Variants in VWA2 observed in about 807,000 individuals in gnomAD.
VWA2 encodes the protein von Willebrand factor A domain containing 2.
A neutral mutation model predicts 70.4 loss-of-function variants in VWA2; 73 were observed. The observed-to-expected ratio is 1.04, with a 90% CI of 0.86 to 1.26. The LOEUF is 1.26. Among genes scored for constraint, VWA2 ranks in the 50% most tolerant of loss-of-function variants. The pLI is 0.00. For synonymous variants in VWA2, 407 were observed against 423.3 expected (o/e 0.96, Z 0.47); for missense variants, 1,011 against 998.5 (o/e 1.01, Z -0.17).
chr10:114,246,445 G>A (rs1347220774), intron 1 of VWA2: 1 of 614,892 alleles, frequency 1.6e-6, no homozygotes, highest in Non-Finnish European at 2.8e-6. Context: ...AGGTAGCAGT[G>A]AGCCAAGACC....
In VWA2 at chr10:114,286,201, C is replaced by T. The variant is rs772969188; in HGVS notation, c.1260C>T (p.Thr420=). 3 of 1,613,846 alleles carry T rather than the reference C, an allele frequency of 1.9e-6. No individual in the cohort carries two copies. The highest frequency in any genetic ancestry group is 2.2e-5 in the East Asian group (1 of 44,880). Residue 420 remains threonine (T), a synonymous_variant, in exon 11 of 14, where the codon ACC becomes ACT. Coordinates refer to ENST00000392982, the MANE Select transcript of VWA2 (RefSeq NM_001272046.2). ...GCATTCCCTTCCGTGGTGGCCCCAC[C>T]CTGACGGGCAGTGCCTTGCGGCAGG... ...LDGIPFRGGP[T]LTGSALRQAA...
chr10:114,280,494 C>A (rs2038025122), intron 8 of VWA2, among the ~76,000 whole-genome samples: 1 of 152,086 alleles, frequency 6.6e-6, no homozygotes, highest in Non-Finnish European at 1.5e-5. Flanking sequence ...GAGGGCCTTG[C>A]AGAGCATGTG....
chr10:114,278,129 G>A, intron 7 of VWA2, 82 bp downstream of exon 7: 1 of 1,532,662 alleles, frequency 6.5e-7, no homozygotes, highest in Non-Finnish European at 8.8e-7. Context: ...CAGGACCCAG[G>A]AGCCTCCCAA....
intron 2 of VWA2, among the ~76,000 whole-genome samples, chr10:114,249,960 C>A (rs1011411171): frequency 2.0e-5 from 3 of 152,104 alleles, no homozygotes; most frequent in African/African-American, 7.2e-5. Flanking sequence ...CATCCTTGCT[C>A]CCCGCCACCA....
intron 6 of VWA2, among the ~76,000 whole-genome samples, chr10:114,277,285 G>A (rs2037868486): frequency 7.1e-6 from 1 of 140,828 alleles, no homozygotes; most frequent in Non-Finnish European, 1.5e-5. Flanking sequence ...CCAGGTTCAA[G>A]TGGCTCTCCT....
At chr10:114,253,773 G>A (rs557166220) in intron 3 of VWA2, 48 bp downstream of exon 3, 3 of 1,533,630 alleles carry the variant, frequency 2.0e-6, no homozygotes, top group African/African-American at 1.4e-5. Flanking sequence ...TCAGACCTCT[G>A]TGTGATGGAC....
Position 114,285,973 on chromosome 10 carries a change from C to A in VWA2, c.1032C>A (p.Leu344=), listed in dbSNP as rs1339801623. The change falls in exon 11 of 14, where the codon CTC becomes CTA. Residue 344 remains leucine, a synonymous_variant. Transcript: ENST00000392982. The part of the protein sequence containing the change: ...LKLSLECRVD[L]LFLLDSSAGT... ...TGAGCCTGGAATGCAGGGTCGACCTCCTCTTCCTGCTGGACAGCTCTGCGG... is the reference window on the plus strand; with the variant it reads ...TGAGCCTGGAATGCAGGGTCGACCTACTCTTCCTGCTGGACAGCTCTGCGG... 1.2e-6 allele frequency: 2 copies of A among 1,610,118 alleles called. No homozygotes were observed. The highest frequency in any genetic ancestry group is 1.7e-6 in the Non-Finnish European group (2 of 1,177,242).
intron 5 of VWA2, among the ~76,000 whole-genome samples, chr10:114,271,941 A>G (rs1262122119): frequency 6.6e-6 from 1 of 152,230 alleles, no homozygotes; most frequent in Non-Finnish European, 1.5e-5. Flanking sequence ...CTGACTCACA[A>G]TTCCGTAACC....
chr10:114,248,803 T>TTACTG (rs1232355177), intron 2 of VWA2, 38 bp downstream of exon 2: 10 of 1,588,430 alleles, frequency 6.3e-6, no homozygotes, highest in Non-Finnish European at 8.6e-6. Context: ...AGTACTGGCG[T>TTACTG]GTTGAGTAGG....
intron 1 of VWA2, among the ~76,000 whole-genome samples, chr10:114,239,856 G>A (rs2036944903): frequency 1.3e-5 from 2 of 152,246 alleles, no homozygotes; most frequent in Non-Finnish European, 2.9e-5. Context: ...GGTTTTGGGA[G>A]GGGTGCGGTC....
chr10:114,246,236 C>T, intron 1 of VWA2: 1 of 897,678 alleles, frequency 1.1e-6, no homozygotes, highest in Non-Finnish European at 1.8e-6. Context: ...CATGGTGGCT[C>T]ACGCCTGTAA....
At chr10:114,263,690 C>T (rs1046421447) in intron 5 of VWA2, among the ~76,000 whole-genome samples, 20 of 152,178 alleles carry the variant, frequency 1.3e-4, no homozygotes, top group East Asian at 3.9e-4. Flanking sequence ...CTGTTACACA[C>T]GCTAACTTTT....
intron 6 of VWA2, among the ~76,000 whole-genome samples, chr10:114,275,982 CA>C (rs1459137674): frequency 2.0e-5 from 3 of 152,192 alleles, no homozygotes; most frequent in Non-Finnish European, 4.4e-5. Context: ...AATATAAATT[CA>C]AATGTTTATT....
At position 114,291,208 on chromosome 10, in the gene VWA2, C is replaced by T. The variant is rs1175559409; in HGVS notation, c.2249-10C>T. On this transcript the variant is annotated splice_polypyrimidine_tract_variant and intron_variant, in intron 13 of 13. Transcript: ENST00000392982. ...ACACTCCTGTCCTCAGACTTCACTT[C>T]CTTCCCCAGGATTCTTGAGACGCCC... is the stretch of plus-strand genomic sequence containing the variant. 3.2e-6 allele frequency: 5 copies of T among 1,550,546 alleles called. No individual in the cohort carries two copies. In the South Asian group the frequency reaches 5.9e-5, roughly 18 times the overall value.
At chr10:114,252,499 G>A (rs530339981) in intron 2 of VWA2, among the ~76,000 whole-genome samples, 4 of 152,252 alleles carry the variant, frequency 2.6e-5, no homozygotes, top group South Asian at 4.1e-4. Context: ...GAGTTAGTAG[G>A]TTGACCAATA....
At position 114,286,437 on chromosome 10, in the gene VWA2, T is replaced by A; in HGVS notation, c.1496T>A (p.Val499Asp). 6.2e-7 allele frequency: 1 copy of A among 1,612,874 alleles called. No individual in the cohort carries two copies. The highest frequency in any genetic ancestry group is 8.5e-7 in the Non-Finnish European group (1 of 1,179,464). The part of the protein sequence containing the change: ...EITGSPKHVM[V>D]YSDPQDLFNQ... Reference sequence around the variant, plus strand: ...ACAGGCAGCCCAAAGCATGTGATGGTCTACTCGGATCCTCAGGATCTGTTC... The same window carrying A: ...ACAGGCAGCCCAAAGCATGTGATGGACTACTCGGATCCTCAGGATCTGTTC... The change falls in exon 11 of 14, where the codon GTC becomes GAC. Residue 499 changes from valine (V) to aspartate (D), a missense_variant. Physicochemically the swap from Val to Asp is radical, Grantham distance 152. Transcript: ENST00000392982.
chr10:114,285,738 A>G (rs1056633412), intron 10 of VWA2, among the ~76,000 whole-genome samples: 1 of 152,252 alleles, frequency 6.6e-6, no homozygotes, highest in Admixed American at 6.5e-5. Context: ...AAGTGGCTAG[A>G]TGGAGACCCT....
rs1168162469 is a variant in VWA2, at chr10:114,286,235, C to T, written c.1294C>T (p.Arg432Cys). The change falls in exon 11 of 14, where the codon CGT becomes TGT. Residue 432 changes from arginine (R) to cysteine (C), a missense_variant. Arg to Cys is a radical substitution (Grantham distance 180). Transcript: ENST00000392982. ...TGSALRQAAE[R>C]GFGSATRTGQ... ...CAGTGCCTTGCGGCAGGCGGCAGAG[C>T]GTGGCTTCGGGAGCGCCACCAGGAC... The T allele has an allele frequency of 3.1e-6, 5 of 1,613,018 alleles. No homozygotes were observed. The highest frequency in any genetic ancestry group is 3.3e-5 in the Admixed American group (2 of 59,942).
rs1390795271 is a variant in VWA2 at position 114,253,649 on chromosome 10, A to G, written c.53-2A>G. On this transcript the variant is annotated splice_acceptor_variant, in intron 2 of 13. Coordinates refer to ENST00000392982, the MANE Select transcript of VWA2 (RefSeq NM_001272046.2). LOFTEE classifies it high-confidence loss of function. ...GGCTGCTTCTGGTGTTTTCTCTCCT[A>G]GTGCCCCCATCTCTCCCTCTCCAGG... 2 of 1,611,326 alleles carry G rather than the reference A, an allele frequency of 1.2e-6. No homozygotes were observed. The highest frequency in any genetic ancestry group is 2.2e-5 in the East Asian group (1 of 44,694).
Sources: allele counts gnomAD v4.1 joint callset (sites outside exome capture counted in the v4.1 genomes callset), GRCh38; gene constraint gnomAD v4.1.1; transcripts MANE v1.5; gene names NCBI Gene and HGNC (gene_info 2026-07-23, HGNC 2026-07-21).